SHOC2: variants seen among roughly 807,000 people sequenced by gnomAD.
The protein encoded by SHOC2 is leucine-rich repeat protein SHOC-2.
A neutral mutation model predicts 50.2 loss-of-function variants in SHOC2; 4 were observed. The ratio of observed to expected loss-of-function variants is 0.08; its 90% CI spans 0.04 to 0.18. SHOC2 has a LOEUF of 0.18. SHOC2 is among the 10% of genes least tolerant of loss of function. The probability of loss-of-function intolerance (pLI) is 1.00; values close to 1 mark genes in which losing one functional copy is unlikely to be tolerated. For missense variants in SHOC2, 388 were observed against 669.6 expected, an observed-to-expected ratio of 0.58 and a Z score of 4.64; for synonymous variants, 218 against 244.5, an observed-to-expected ratio of 0.89 and a Z score of 1.01.
chr10:110,949,487 C>T (rs1052844611), intron 1 of SHOC2, among the ~76,000 whole-genome samples: 3 of 152,148 alleles, frequency 2.0e-5, no homozygotes, highest in Non-Finnish European at 4.4e-5. Flanking sequence ...GAAGGCTCCA[C>T]TGGTGAATTC....
At chr10:110,994,879 A>G (rs776288704) in intron 3 of SHOC2, among the ~76,000 whole-genome samples, 9 of 152,196 alleles carry the variant, frequency 5.9e-5, no homozygotes, top group Non-Finnish European at 1.3e-4. Context: ...CCCGGCTGAT[A>G]CCTAAGCATG....
intron 8 of SHOC2, among the ~76,000 whole-genome samples, chr10:111,010,539 G>C (rs1410556239): frequency 1.3e-5 from 2 of 152,134 alleles, no homozygotes; most frequent in Non-Finnish European, 2.9e-5. Flanking sequence ...TCGTGGGGTA[G>C]CGGGAGGGGG....
intron 3 of SHOC2, 161 bp downstream of exon 3, chr10:110,985,926 C>T: frequency 1.6e-6 from 1 of 636,430 alleles, no homozygotes. Context: ...TTTTCATTTC[C>T]TTTTCTTGGC....
intron 1 of SHOC2, among the ~76,000 whole-genome samples, chr10:110,953,221 A>C (rs769248978): frequency 6.6e-6 from 1 of 152,184 alleles, no homozygotes; most frequent in Non-Finnish European, 1.5e-5. Flanking sequence ...CAGCCTGGCC[A>C]GAGTCTGTTG....
At chr10:110,950,321 AG>A (rs887193075) in intron 1 of SHOC2, among the ~76,000 whole-genome samples, 2 of 146,982 alleles carry the variant, frequency 1.4e-5, no homozygotes, top group Non-Finnish European at 3.0e-5. Context: ...AATTTAACAA[AG>A]GAGGTGAATG....
chr10:111,013,659 C>T lies in SHOC2; in HGVS notation c.*1841C>T, dbSNP rs1342244561. On this transcript the variant is annotated 3_prime_UTR_variant, in exon 9 of 9. Transcript: ENST00000369452. ...TAAAAGGAATTTGTTTATTACAGCT[C>T]TACCTAGAGCTTGTGTGTTTGTGTG... 2.7e-5 allele frequency: 4 copies of T among 150,828 alleles called. No homozygotes were observed. Among genetic ancestry groups the T allele is most frequent in the African/African-American group, 9.8e-5 (4 of 41,000 alleles). 9.3% of individuals were successfully genotyped at this position (150,828 alleles called of 1,614,324 possible). A position where few individuals can be genotyped will look rare whatever the true frequency, so the allele number is the denominator to read the frequency against.
chr10:111,005,590 C>T (rs956716985), intron 5 of SHOC2, among the ~76,000 whole-genome samples: 9 of 151,998 alleles, frequency 5.9e-5, no homozygotes, highest in African/African-American at 1.9e-4. Context: ...TATATTTATA[C>T]GTATAGCTGG....
intron 3 of SHOC2, among the ~76,000 whole-genome samples, chr10:110,988,384 T>A (rs565546592): frequency 6.4e-4 from 98 of 152,284 alleles, no homozygotes; most frequent in African/African-American, 2.3e-3. Context: ...TTAATAAATA[T>A]AGGGCTATTC....
At chr10:110,953,194 G>T (rs977569993) in intron 1 of SHOC2, among the ~76,000 whole-genome samples, 3 of 152,136 alleles carry the variant, frequency 2.0e-5, no homozygotes, top group African/African-American at 7.2e-5. Context: ...CAGTTTAAAC[G>T]TGTTCCTGTT....
At chr10:110,965,563 T>C (rs77495529) in intron 2 of SHOC2, among the ~76,000 whole-genome samples, 1 of 151,476 alleles carries the variant, frequency 6.6e-6, no homozygotes, top group Non-Finnish European at 1.5e-5. Flanking sequence ...AGAAAAAAAA[T>C]TTTTTTTTGC....
At chr10:110,926,961 A>G (rs905842593) in intron 1 of SHOC2, among the ~76,000 whole-genome samples, 2 of 152,228 alleles carry the variant, frequency 1.3e-5, no homozygotes, top group African/African-American at 4.8e-5. Flanking sequence ...TACTATAATT[A>G]CTATGTGTTT....
At chr10:110,967,125 G>A (rs961413211) in intron 2 of SHOC2, among the ~76,000 whole-genome samples, 8 of 152,062 alleles carry the variant, frequency 5.3e-5, no homozygotes, top group African/African-American at 1.2e-4. Context: ...TGTTCTGTCC[G>A]TGTATACTTT....
In SHOC2 at chr10:110,923,069, C is replaced by T. The variant is rs563789759; in HGVS notation, c.-235+3412C>T. On this transcript the variant is annotated intron_variant, in intron 1 of 8. Transcript: ENST00000369452. ...TAATGGACATATATCATCTGCTATC[C>T]TTGTAATCCCCTATTTTAACTGCTT... 7.9e-5 allele frequency among the ~76,000 whole-genome samples: 12 copies of T among 152,136 alleles called. No individual in the cohort carries two copies. In the South Asian group the frequency reaches 2.5e-3, roughly 32 times the overall value.
At position 111,002,064 on chromosome 10, in the gene SHOC2, GA is replaced by G. The variant is rs1456911201; in HGVS notation, c.972+1525del. ...TTGTCTCAAAAAAAAAAAAATAAGT[GA>G]AAAAATTTAAATGGATATATATCCA... is the stretch of plus-strand genomic sequence containing the variant. On this transcript the variant is annotated intron_variant, in intron 4 of 8. Transcript: ENST00000369452. 2.6e-5 allele frequency among the ~76,000 whole-genome samples: 4 copies of G among 151,976 alleles called. No homozygotes were observed. In the East Asian group the frequency reaches 7.7e-4, roughly 29 times the overall value.
intron 1 of SHOC2, among the ~76,000 whole-genome samples, chr10:110,960,371 C>T (rs562806706): frequency 6.6e-6 from 1 of 152,302 alleles, no homozygotes; most frequent in African/African-American, 2.4e-5. Flanking sequence ...CATTAGAAGC[C>T]TAAATGAATT....
intron 3 of SHOC2, among the ~76,000 whole-genome samples, chr10:110,999,736 CAAAAA>C (rs145780250): frequency 3.9e-3 from 315 of 81,706 alleles, no homozygotes; most frequent in Non-Finnish European, 6.0e-3. Context: ...GACTCAGTCT[CAAAAA>C]AAAAAAAAAA....
chr10:111,002,925 T>TCC (rs1209258754), intron 4 of SHOC2, among the ~76,000 whole-genome samples: 10 of 152,352 alleles, frequency 6.6e-5, no homozygotes, highest in Admixed American at 2.0e-4. Flanking sequence ...GTAAGTCAGT[T>TCC]GTAAGAATAA....
chr10:110,999,565 C>T (rs922014352), intron 3 of SHOC2, among the ~76,000 whole-genome samples: 6 of 151,438 alleles, frequency 4.0e-5, no homozygotes, highest in African/African-American at 9.7e-5. Flanking sequence ...GGTGAAACCC[C>T]GTCTGTACTA....
intron 4 of SHOC2, 131 bp from the exon 5 acceptor site, chr10:111,004,475 C>T (rs1289129608): frequency 8.7e-6 from 6 of 685,904 alleles, no homozygotes; most frequent in Middle Eastern, 3.9e-4. Context: ...GTGTCACAGA[C>T]TGCCCCAACC....
Sources: allele counts gnomAD v4.1 joint callset (sites outside exome capture counted in the v4.1 genomes callset), GRCh38; gene constraint gnomAD v4.1.1; transcripts MANE v1.5; gene names NCBI Gene and HGNC (gene_info 2026-07-23, HGNC 2026-07-21).